The following MAPK9 variants were observed in gnomAD, a reference collection of about 807,000 sequenced individuals.
MAPK9 encodes the protein mitogen-activated protein kinase 9.
MAPK9 carries 30 observed loss-of-function variants against 57.1 expected under a neutral mutation model. The ratio of observed to expected loss-of-function variants is 0.53; its 90% CI spans 0.39 to 0.71. The LOEUF (loss-of-function observed/expected upper bound fraction) is 0.71, where lower values mean the gene tolerates loss of function less well. Ranked by LOEUF, MAPK9 falls within the 30% of genes least tolerant of loss-of-function variation. MAPK9 has a pLI of 0.00. For synonymous variants in MAPK9, 155 were observed against 177.0 expected, an observed-to-expected ratio of 0.88 and a Z score of 0.99; for missense variants, 362 against 521.0, an observed-to-expected ratio of 0.69 and a Z score of 2.97.
chr5:180,242,569 T>G lies in MAPK9; in HGVS notation c.871+4A>C, dbSNP rs781307521. 1 of 1,604,112 alleles carries G rather than the reference T, an allele frequency of 6.2e-7. No homozygotes were observed. Among genetic ancestry groups the G allele is most frequent in the South Asian group, 1.1e-5 (1 of 90,028 alleles). ...ACAAGTATAAGAAAAAAAGGATATCTTACTTTTTATTTTGTCTCGCTCAGA... is the reference window on the plus strand; with the variant it reads ...ACAAGTATAAGAAAAAAAGGATATCGTACTTTTTATTTTGTCTCGCTCAGA... On this transcript the variant is annotated splice_donor_region_variant and intron_variant, in intron 8 of 11. Coordinates refer to ENST00000452135, the MANE Select transcript of MAPK9 (RefSeq NM_002752.5).
chr5:180,264,931 A>T, intron 3 of MAPK9, 92 bp from the exon 4 acceptor site: 1 of 1,044,608 alleles, frequency 9.6e-7, no homozygotes, highest in Non-Finnish European at 1.3e-6. Flanking sequence ...GACGGGAAAA[A>T]AATCACAGCA....
At chr5:180,286,472 T>C (rs556577080) in intron 1 of MAPK9, among the ~76,000 whole-genome samples, 1 of 151,800 alleles carries the variant, frequency 6.6e-6, no homozygotes, top group Non-Finnish European at 1.5e-5. Context: ...GAAGAATAGC[T>C]TGGTATAACA....
At chr5:180,237,465 C>G (rs1757263416) in intron 11 of MAPK9, 1 of 152,132 alleles carries the variant, frequency 6.6e-6, no homozygotes, top group Non-Finnish European at 1.5e-5. Context: ...ACTACCTGGT[C>G]ATTAGAGGCT....
chr5:180,236,909 C>T (rs1253788636), intron 11 of MAPK9: 1 of 156,346 alleles, frequency 6.4e-6, no homozygotes, highest in Admixed American at 6.5e-5. Flanking sequence ...ATTCCAGTGT[C>T]ACCAGACACT....
chr5:180,241,888 CAG>C (rs1254860448), intron 8 of MAPK9, among the ~76,000 whole-genome samples: 2 of 152,192 alleles, frequency 1.3e-5, no homozygotes, highest in African/African-American at 4.8e-5. Context: ...GAAATTAGAA[CAG>C]ACTTTTCAAA....
intron 5 of MAPK9, 112 bp from the exon 6 acceptor site, chr5:180,249,250 T>G: frequency 1.0e-6 from 1 of 991,656 alleles, no homozygotes; most frequent in Non-Finnish European, 1.4e-6. Flanking sequence ...TGAACTGAAC[T>G]CTGAGATTTG....
At chr5:180,244,635 G>A (rs923840859) in intron 7 of MAPK9, among the ~76,000 whole-genome samples, 3 of 152,136 alleles carry the variant, frequency 2.0e-5, no homozygotes, top group South Asian at 2.1e-4. Flanking sequence ...TTAGCCAGGC[G>A]TGGTGGCGGG....
chr5:180,254,424 T>C (rs746525033), intron 5 of MAPK9, among the ~76,000 whole-genome samples: 4 of 152,156 alleles, frequency 2.6e-5, no homozygotes, highest in Non-Finnish European at 5.9e-5. Flanking sequence ...TCAGAGATGA[T>C]AGTATATACA....
intron 5 of MAPK9, among the ~76,000 whole-genome samples, chr5:180,258,862 T>TAAAA (rs531705510): frequency 1.5e-4 from 14 of 96,000 alleles, no homozygotes; most frequent in Admixed American, 3.5e-4. Context: ...CTGTCTCTAC[T>TAAAA]AAAAAAAAAA....
chr5:180,281,197 A>T (rs780597526), intron 1 of MAPK9, among the ~76,000 whole-genome samples: 1 of 152,266 alleles, frequency 6.6e-6, no homozygotes, highest in African/African-American at 2.4e-5. Context: ...GGTGGGTCCC[A>T]GAGCTGGCAT....
At chr5:180,267,554 T>A (rs1581252053) in intron 3 of MAPK9, among the ~76,000 whole-genome samples, 1 of 97,822 alleles carries the variant, frequency 1.0e-5, no homozygotes, top group East Asian at 3.0e-4. Context: ...AGAGCGAGAC[T>A]CCGTCTCAAA....
intron 1 of MAPK9, among the ~76,000 whole-genome samples, chr5:180,282,535 G>A (rs1266935991): frequency 6.6e-6 from 1 of 152,220 alleles, no homozygotes; most frequent in East Asian, 1.9e-4. Context: ...TCAAGGAGGA[G>A]GCGGCATCCG....
intron 7 of MAPK9, 95 bp from the exon 8 acceptor site, chr5:180,242,850 G>A (rs1411823591): frequency 3.4e-6 from 3 of 889,614 alleles, no homozygotes; most frequent in East Asian, 2.6e-5. Context: ...CTATCGACTA[G>A]GCCACCCCAC....
In MAPK9 at chr5:180,241,108, C is replaced by G. The variant is rs758231386; in HGVS notation, c.919G>C (p.Asp307His). ...GCTTCGTCTACAGAGATCCGCTTGTCAGGATCAATCACTAACATTTTTGAT... is the reference window on the plus strand; with the variant it reads ...GCTTCGTCTACAGAGATCCGCTTGTGAGGATCAATCACTAACATTTTTGAT... Reference protein sequence around the residue: ...LLSKMLVIDPDKRISVDEALR... With the variant: ...LLSKMLVIDPHKRISVDEALR... Residue 307 changes from aspartate (D) to histidine (H), a missense_variant, in exon 9 of 12, where the codon GAC becomes CAC. Coordinates refer to ENST00000452135, the MANE Select transcript of MAPK9 (RefSeq NM_002752.5). 1 of 1,614,040 alleles carries G rather than the reference C, an allele frequency of 6.2e-7. No individual in the cohort carries two copies. Among genetic ancestry groups the G allele is most frequent in the Admixed American group, 1.7e-5 (1 of 59,996 alleles).
intron 5 of MAPK9, among the ~76,000 whole-genome samples, chr5:180,259,294 G>C (rs1225946540): frequency 1.3e-5 from 2 of 151,722 alleles, no homozygotes. Context: ...CCCTTTGACT[G>C]TAAGGAATGT....
chr5:180,240,059 T>C (rs1410005573), intron 9 of MAPK9, 72 bp from the exon 10 acceptor site: 7 of 1,173,638 alleles, frequency 6.0e-6, no homozygotes, highest in South Asian at 1.2e-5. Context: ...AAAGGTAAAA[T>C]TGCTTGGAAG....
At chr5:180,290,658 G>A (rs1763150358) in intron 1 of MAPK9, among the ~76,000 whole-genome samples, 1 of 152,208 alleles carries the variant, frequency 6.6e-6, no homozygotes, top group Non-Finnish European at 1.5e-5. Flanking sequence ...AATTAAAGGG[G>A]TCAAGGACAC....
At chr5:180,248,895 G>C in intron 6 of MAPK9, 78 bp downstream of exon 6, 1 of 1,483,070 alleles carries the variant, frequency 6.7e-7, no homozygotes, top group Non-Finnish European at 9.0e-7. Context: ...ATGGTTCAAA[G>C]GAAAGAGAAA....
chr5:180,262,807 C>T (rs1165237711), intron 4 of MAPK9: 5 of 152,360 alleles, frequency 3.3e-5, no homozygotes, highest in African/African-American at 1.2e-4. Flanking sequence ...AACTGTCCTC[C>T]TCGAGGCCAC....
Sources: allele counts gnomAD v4.1 joint callset (sites outside exome capture counted in the v4.1 genomes callset), GRCh38; gene constraint gnomAD v4.1.1; transcripts MANE v1.5; gene names NCBI Gene and HGNC (gene_info 2026-07-23, HGNC 2026-07-21).